Variants in SEMA3E observed in about 807,000 individuals in gnomAD.
SEMA3E encodes semaphorin 3E.
A neutral mutation model predicts 93.6 loss-of-function variants in SEMA3E; 49 were observed. The ratio of observed to expected loss-of-function variants is 0.52; its 90% CI spans 0.42 to 0.66. The LOEUF (loss-of-function observed/expected upper bound fraction) is 0.66, where lower values mean the gene tolerates loss of function less well. Among genes scored for constraint, SEMA3E ranks in the 30% least tolerant of loss-of-function variants. The pLI is 0.00. For synonymous variants in SEMA3E, 363 were observed against 330.7 expected, an observed-to-expected ratio of 1.10 and a Z score of -1.06; for missense variants, 906 against 964.8, an observed-to-expected ratio of 0.94 and a Z score of 0.81.
chr7:83,459,844 T>C (rs909115070), intron 4 of SEMA3E, among the ~76,000 whole-genome samples: 14 of 152,174 alleles, frequency 9.2e-5, no homozygotes, highest in South Asian at 2.1e-4. Context: ...CCTTAAGTGA[T>C]GACATTACCT....
chr7:83,434,401 A>G (rs1788955454), intron 4 of SEMA3E, among the ~76,000 whole-genome samples: 1 of 152,192 alleles, frequency 6.6e-6, no homozygotes, highest in African/African-American at 2.4e-5. Flanking sequence ...GAAGATTTAA[A>G]TGCATTAATA....
intron 4 of SEMA3E, among the ~76,000 whole-genome samples, chr7:83,424,713 T>C (rs1023850565): frequency 2.6e-5 from 4 of 152,132 alleles, no homozygotes; most frequent in Non-Finnish European, 5.9e-5. Flanking sequence ...TGAAAGACCT[T>C]GAGGAGGGGA....
chr7:83,544,733 T>G (rs1791610417), intron 1 of SEMA3E, among the ~76,000 whole-genome samples: 1 of 152,128 alleles, frequency 6.6e-6, no homozygotes, highest in Non-Finnish European at 1.5e-5. Context: ...TCTCTGAATC[T>G]AAGCCTTGAA....
intron 1 of SEMA3E, among the ~76,000 whole-genome samples, chr7:83,503,862 G>A (rs1378575870): frequency 6.6e-6 from 1 of 152,142 alleles, no homozygotes. Flanking sequence ...TTAATTTGGT[G>A]GCTGACTTGT....
At chr7:83,577,258 C>T (rs904651914) in intron 1 of SEMA3E, among the ~76,000 whole-genome samples, 3 of 152,150 alleles carry the variant, frequency 2.0e-5, no homozygotes, top group Admixed American at 2.0e-4. Context: ...ATCTATACTG[C>T]TCCTTTTGTC....
intron 2 of SEMA3E, among the ~76,000 whole-genome samples, chr7:83,472,858 G>C (rs1789930928): frequency 2.0e-5 from 3 of 152,158 alleles, no homozygotes; most frequent in Non-Finnish European, 4.4e-5. Context: ...TAGTGAGTGA[G>C]TTCTCACAAG....
intron 4 of SEMA3E, among the ~76,000 whole-genome samples, chr7:83,419,636 G>A (rs1788633354): frequency 6.6e-6 from 1 of 152,128 alleles, no homozygotes; most frequent in Admixed American, 6.5e-5. Context: ...ACTGGTGTGA[G>A]ATGATACCTC....
Position 83,385,335 on chromosome 7 carries a change from T to A in SEMA3E, c.1834A>T (p.Ile612Phe), listed in dbSNP as rs560983031. The stretch of plus-strand genomic sequence containing the variant: ...TCACGTCCTTTCTGTACAAACCAGA[T>A]AACTTTCGCTTGTAAAGATCGTGGG... ...CTPRSLQAKV[I>F]WFVQKGRETR... Residue 612 changes from isoleucine (I) to phenylalanine (F), a missense_variant, in exon 16 of 17, where the codon ATC becomes TTC. Physicochemically the swap from Ile to Phe is conservative, Grantham distance 21. Transcript: ENST00000643230. 183 of 1,613,532 alleles carry A rather than the reference T, an allele frequency of 1.1e-4. 2 individuals are homozygous for A. In the South Asian group the frequency reaches 1.9e-3, roughly 17 times the overall value.
At chr7:83,382,365 C>T (rs981754331) in intron 16 of SEMA3E, among the ~76,000 whole-genome samples, 7 of 151,944 alleles carry the variant, frequency 4.6e-5, no homozygotes, top group East Asian at 1.9e-4. Context: ...GCACAGCTTT[C>T]GAGTTAGGAA....
At chr7:83,634,621 T>C (rs1793846617) in intron 1 of SEMA3E, among the ~76,000 whole-genome samples, 1 of 152,078 alleles carries the variant, frequency 6.6e-6, no homozygotes, top group South Asian at 2.1e-4. Context: ...TTCCTTCTTA[T>C]TATGGTTATT....
chr7:83,515,041 G>A (rs1562814677), intron 1 of SEMA3E, among the ~76,000 whole-genome samples: 1 of 152,074 alleles, frequency 6.6e-6, no homozygotes, highest in Non-Finnish European at 1.5e-5. Context: ...GTTGCCAGTA[G>A]AAACTTTACT....
chr7:83,388,090 C>A (rs1230334353), intron 14 of SEMA3E, among the ~76,000 whole-genome samples: 2 of 148,538 alleles, frequency 1.3e-5, no homozygotes, highest in African/African-American at 4.9e-5. Flanking sequence ...ACGGGTGGAT[C>A]ATGAGCTCAG....
chr7:83,444,936 G>T (rs899293400), intron 4 of SEMA3E, among the ~76,000 whole-genome samples: 7 of 152,134 alleles, frequency 4.6e-5, no homozygotes, highest in African/African-American at 1.7e-4. Context: ...CTCCCAAAGT[G>T]CTGGGATTAC....
At chr7:83,462,425 T>C (rs1473028081) in intron 4 of SEMA3E, among the ~76,000 whole-genome samples, 5 of 152,108 alleles carry the variant, frequency 3.3e-5, no homozygotes, top group African/African-American at 9.7e-5. Flanking sequence ...CTTATTAGGC[T>C]GAGACACTTT....
chr7:83,466,457 G>T, intron 4 of SEMA3E, 25 bp downstream of exon 4: 1 of 1,612,600 alleles, frequency 6.2e-7, no homozygotes, highest in South Asian at 1.1e-5. Context: ...TGTTTTTATT[G>T]ACAGCAATGA....
chr7:83,548,849 G>C (rs1375078699), intron 1 of SEMA3E, among the ~76,000 whole-genome samples: 1 of 152,000 alleles, frequency 6.6e-6, no homozygotes, highest in Non-Finnish European at 1.5e-5. Context: ...TCTGACCTGG[G>C]TCCAATAAGG....
chr7:83,522,261 T>C lies in SEMA3E; in HGVS notation c.116-31987A>G, dbSNP rs6467952. 9.1e-3 allele frequency among the ~76,000 whole-genome samples: 1,382 copies of C among 152,232 alleles called. 22 individuals carry two copies. The highest frequency in any genetic ancestry group is 0.032 in the African/African-American group (1,320 of 41,558). On this transcript the variant is annotated intron_variant, in intron 1 of 16. Transcript: ENST00000643230. ...GTTTATTTCTAACTTGGTGGGCTTT[T>C]ATTCCTGACATTTTTTTATTTGTGG...
rs117929031 is a variant in SEMA3E at position 83,443,451 on chromosome 7, G to T, written c.456+23031C>A. 1.6e-3 allele frequency among the ~76,000 whole-genome samples: 249 copies of T among 152,316 alleles called. 5 individuals are homozygous for T. The highest frequency in any genetic ancestry group is 0.014 in the East Asian group (72 of 5,188). ...CAGACTAGATACTGCCTCCCCTGAT[G>T]TATTCAACCAAGGCTTTGTTAATTT... On this transcript the variant is annotated intron_variant, in intron 4 of 16. Transcript: ENST00000643230.
intron 1 of SEMA3E, among the ~76,000 whole-genome samples, chr7:83,642,237 T>C (rs529386209): frequency 6.6e-6 from 1 of 152,266 alleles, no homozygotes; most frequent in Admixed American, 6.5e-5. Context: ...ATTTCTCTTT[T>C]ATTTTTTCAT....
Sources: gnomAD v4.1 joint callset for allele counts (sites outside exome capture counted in the v4.1 genomes callset) on GRCh38, gnomAD v4.1.1 for gene constraint, MANE v1.5 for transcripts, NCBI Gene and HGNC (gene_info 2026-07-23, HGNC 2026-07-21) for gene names.